The following BEST1 variants were observed in gnomAD, a reference collection of about 807,000 sequenced individuals.
The protein encoded by BEST1 is bestrophin-1.
Under a neutral mutation model 63.3 loss-of-function variants are expected in BEST1, and 58 were observed. The observed-to-expected ratio is 0.92, with a 90% CI of 0.74 to 1.14. The LOEUF (loss-of-function observed/expected upper bound fraction) is 1.14. Among genes scored for constraint, BEST1 ranks in the 50% most tolerant of loss-of-function variants. BEST1 has a pLI of 0.00. For synonymous variants in BEST1, 283 were observed against 291.6 expected (o/e 0.97, Z 0.30); for missense variants, 671 against 740.1 (o/e 0.91, Z 1.08).
At chr11:61,963,748 A>G in intron 10 of BEST1, 1 of 1,176,028 alleles carries the variant, frequency 8.5e-7, no homozygotes, top group East Asian at 5.6e-5. Context: ...ATATTTAAGA[A>G]TCTTGTCTTG....
chr11:61,960,363 C>T lies in BEST1; in HGVS notation c.1100+320C>T, dbSNP rs574683710. 2.7e-5 allele frequency: 12 copies of T among 448,278 alleles called. No individual in the cohort carries two copies. The Admixed American group carries it at 2.9e-4, about 11-fold the overall frequency. The allele number at this position is 448,278 out of a possible 1,614,324, so 27.8% of individuals were successfully genotyped here. On this transcript the variant is annotated intron_variant, in intron 9 of 10. Transcript: ENST00000378043. ...AACGTTAGGACCTGGCTCTTGTCAT[C>T]CAGAACTATGTTTTCTTTTCTTTTT...
At chr11:61,958,331 G>T in intron 7 of BEST1, 33 bp downstream of exon 7, 1 of 1,614,110 alleles carries the variant, frequency 6.2e-7, no homozygotes, top group Non-Finnish European at 8.5e-7. Flanking sequence ...TGGGCTGGAG[G>T]CATGGCCAGA....
At chr11:61,952,459 C>CTTTTTTT in intron 2 of BEST1, among the ~76,000 whole-genome samples, 1 of 78,152 alleles carries the variant, frequency 1.3e-5, no homozygotes, top group Non-Finnish European at 2.4e-5. Context: ...CCACATGGTA[C>CTTTTTTT]TTTTTTTTTT....
In BEST1 at chr11:61,963,240, C is replaced by G. The variant is rs937377187; in HGVS notation, c.1739+347C>G. The G allele has an allele frequency of 2.9e-6, 4 of 1,386,968 alleles. No individual in the cohort carries two copies. In the African/African-American group the frequency reaches 5.8e-5, roughly 20 times the overall value. 85.9% of individuals were successfully genotyped at this position (1,386,968 alleles called of 1,614,324 possible). A position where few individuals can be genotyped will look rare whatever the true frequency, so the allele number is the denominator to read the frequency against. ...AGATGTTATCACTGGCCCCAACTTA[C>G]TTTGAGCAAGGGTGGCTGACCCAAA... On this transcript the variant is annotated intron_variant, in intron 10 of 10. Transcript: ENST00000378043.
chr11:61,959,786 A>C (rs755878555), intron 8 of BEST1, 106 bp from the exon 9 acceptor site: 7 of 1,511,946 alleles, frequency 4.6e-6, no homozygotes, highest in Non-Finnish European at 5.4e-6. Flanking sequence ...CAGGCAGGGA[A>C]ACTGAGGTCC....
rs1222747989 is a variant in BEST1, at chr11:61,963,673, G to A, written c.1740-431G>A. The A allele has an allele frequency of 6.6e-6, 7 of 1,062,656 alleles. No homozygotes were observed. In the East Asian group the frequency reaches 2.3e-4, roughly 35 times the overall value. 65.8% of individuals were successfully genotyped at this position (1,062,656 alleles called of 1,614,324 possible). ...AAAACTTAAAAGGGCAACAATTTCA[G>A]TCTTGCTTCTAGGGCTAGACAGGAA... On this transcript the variant is annotated intron_variant, in intron 10 of 10. Transcript: ENST00000378043.
At chr11:61,962,174 G>A (rs1942132110) in intron 9 of BEST1, 81 bp from the exon 10 acceptor site, 1 of 1,500,096 alleles carries the variant, frequency 6.7e-7, no homozygotes, top group Non-Finnish European at 9.2e-7. Flanking sequence ...TGAGAGAGAG[G>A]AGCGGGGGTA....
chr11:61,958,377 C>T, intron 7 of BEST1, 79 bp downstream of exon 7: 1 of 1,607,680 alleles, frequency 6.2e-7, no homozygotes, highest in Non-Finnish European at 8.5e-7. Context: ...GACGAGGATG[C>T]AGTGTCAGGA....
intron 8 of BEST1, 107 bp from the exon 9 acceptor site, chr11:61,959,785 A>G (rs1591302662): frequency 2.0e-6 from 3 of 1,510,538 alleles, no homozygotes; most frequent in Non-Finnish European, 9.0e-7. Context: ...ACAGGCAGGG[A>G]AACTGAGGTC....
Position 61,962,450 on chromosome 11 carries a change from C to T in BEST1, c.1296C>T (p.Ala432=), listed in dbSNP as rs1480988254. Reference sequence around the variant, plus strand: ...GCCTGCCCAAAAACCACAAGGCAGCCAAACAGAACGTTAGGGGCCAGGAAG... The same window carrying T: ...GCCTGCCCAAAAACCACAAGGCAGCTAAACAGAACGTTAGGGGCCAGGAAG... The part of the protein sequence containing the change: ...HEGLPKNHKA[A]KQNVRGQEDN... Residue 432 remains alanine, a synonymous_variant, in exon 10 of 11, where the codon GCC becomes GCT. Transcript: ENST00000378043. The T allele has an allele frequency of 6.2e-7, 1 of 1,614,170 alleles. No homozygotes were observed. The highest frequency in any genetic ancestry group is 2.2e-5 in the East Asian group (1 of 44,874).
downstream of BEST1, chr11:61,965,243 A>G (rs1297152829): frequency 6.3e-7 from 1 of 1,593,718 alleles, no homozygotes; most frequent in Non-Finnish European, 8.6e-7. Flanking sequence ...GTAAGCCTAA[A>G]AAAGCACAAA....
downstream of BEST1, chr11:61,965,297 A>G: frequency 3.7e-6 from 6 of 1,602,718 alleles, no homozygotes; most frequent in Non-Finnish European, 5.1e-6. Context: ...GGCAATTGCT[A>G]GTTTAAGTGA....
At position 61,962,780 on chromosome 11, in the gene BEST1, GGA is replaced by G; in HGVS notation, c.1627_1628del (p.Asp543TyrfsTer39). 6.2e-7 allele frequency: 1 copy of G among 1,614,168 alleles called. No individual in the cohort carries two copies. Among genetic ancestry groups the G allele is most frequent in the Non-Finnish European group, 8.5e-7 (1 of 1,180,034 alleles). On this transcript the variant is annotated frameshift_variant, in exon 10 of 11. Coordinates refer to ENST00000378043, the MANE Select transcript of BEST1 (RefSeq NM_004183.4). LOFTEE classifies it high-confidence loss of function. The stretch of plus-strand genomic sequence containing the variant: ...GGAAAACTGTGGAGTTTAACCTGAC[GGA>G]TATGCCAGAGATCCCCGAAAATCAC... Reference protein sequence around the residue: ...RRKTVEFNLTDMPEIPENHLK... With the variant: ...RRKTVEFNLTXMPEIPENHLK...
Position 61,964,167 on chromosome 11 carries a change from T to C in BEST1, c.*45T>C, listed in dbSNP as rs201586629. On this transcript the variant is annotated 3_prime_UTR_variant, in exon 11 of 11. Coordinates refer to ENST00000378043, the MANE Select transcript of BEST1 (RefSeq NM_004183.4). ...GCTTCGCCAGCCAGGTCCTCACCTG[T>C]GTGTACACCAGCAGGACACTGATCC... The C allele has an allele frequency of 1.5e-4, 235 of 1,613,234 alleles. No homozygotes were observed. The highest frequency in any genetic ancestry group is 2.5e-5 in the Non-Finnish European group (30 of 1,179,898).
Position 61,957,378 on chromosome 11 carries a change from G to GC in BEST1, c.637-3dup, listed in dbSNP as rs774387863. 5 of 1,613,570 alleles carry GC rather than the reference G, an allele frequency of 3.1e-6. No individual in the cohort carries two copies. In the African/African-American group the frequency reaches 6.7e-5, roughly 22 times the overall value. Reference sequence around the variant, plus strand: ...GTTCAGAACCCCATCCCCCTCTTCTGCCCCCCAGGAGATGAACACCTTGCG... The same window carrying GC: ...GTTCAGAACCCCATCCCCCTCTTCTGCCCCCCCAGGAGATGAACACCTTGCG... On this transcript the variant is annotated splice_polypyrimidine_tract_variant and intron_variant, in intron 5 of 10. Transcript: ENST00000378043.
At chr11:61,955,379 A>G (rs1941194252) in intron 3 of BEST1, 178 bp downstream of exon 3, 1 of 1,469,428 alleles carries the variant, frequency 6.8e-7, no homozygotes, top group Non-Finnish European at 9.0e-7. Context: ...AACTGAAGTT[A>G]GACGTTAGGT....
chr11:61,960,410 G>A (rs1267313137), intron 9 of BEST1: 4 of 314,300 alleles, frequency 1.3e-5, no homozygotes, highest in Admixed American at 4.4e-5. Context: ...TCGCTCTGTC[G>A]CCCAGGTTGG....
chr11:61,962,933 G>C, intron 10 of BEST1, 40 bp downstream of exon 10: 2 of 1,614,154 alleles, frequency 1.2e-6, no homozygotes, highest in Non-Finnish European at 1.7e-6. Flanking sequence ...GCATTGCCCT[G>C]TGCCCCACCC....
rs888172546 is a variant in BEST1, at chr11:61,950,426, C to G, written c.-38C>G. On this transcript the variant is annotated splice_region_variant and 5_prime_UTR_variant, in exon 1 of 11. Transcript: ENST00000378043. ...TCATCGGACCCACCTGGAACCCCAC[C>G]TGTGAGTACAAGGTGCCCCAGGTGG... 4.6e-5 allele frequency: 7 copies of G among 152,820 alleles called. No homozygotes were observed. The highest frequency in any genetic ancestry group is 1.7e-4 in the African/African-American group (7 of 41,464). 9.5% of individuals were successfully genotyped at this position (152,820 alleles called of 1,614,324 possible).
Sources: gnomAD v4.1 joint callset for allele counts (sites outside exome capture counted in the v4.1 genomes callset) on GRCh38, gnomAD v4.1.1 for gene constraint, MANE v1.5 for transcripts, NCBI Gene and HGNC (gene_info 2026-07-23, HGNC 2026-07-21) for gene names.